QTMAN: variants seen among roughly 807,000 people sequenced by gnomAD.
The protein encoded by QTMAN is queuosine-tRNA mannosyltransferase, also known as tRNA-queuosine alpha-mannosyltransferase.
chr2:144,145,758 G>A, the QTMAN span: 10 of 1,599,346 alleles, frequency 6.3e-6, no homozygotes, highest in Non-Finnish European at 8.5e-6. Context: ...CAAGAAAATT[G>A]GGGTTTACTG....
the QTMAN span, among the ~76,000 whole-genome samples, chr2:144,026,161 C>A: frequency 1.3e-4 from 20 of 152,056 alleles, no homozygotes; most frequent in Non-Finnish European, 2.9e-4. Context: ...TGGTTGGGAG[C>A]GGTGGCTCAC....
the QTMAN span, among the ~76,000 whole-genome samples, chr2:144,266,965 TAG>T: frequency 5.3e-5 from 8 of 152,068 alleles, no homozygotes; most frequent in Non-Finnish European, 1.0e-4. Flanking sequence ...TCAAGGACAT[TAG>T]AGGTATTGGA....
chr2:144,145,662 A>C, the QTMAN span: 10 of 1,611,672 alleles, frequency 6.2e-6, no homozygotes, highest in Non-Finnish European at 7.6e-6. Flanking sequence ...AAAATACAGA[A>C]TCTTTTTCAG....
the QTMAN span, among the ~76,000 whole-genome samples, chr2:144,215,201 T>C: frequency 6.6e-6 from 1 of 151,824 alleles, no homozygotes; most frequent in Non-Finnish European, 1.5e-5. Flanking sequence ...ATGATTGTGC[T>C]ACTGTATTCC....
the QTMAN span, among the ~76,000 whole-genome samples, chr2:144,142,273 G>C: frequency 6.6e-6 from 1 of 152,030 alleles, no homozygotes; most frequent in African/African-American, 2.4e-5. Flanking sequence ...CATCAGATTT[G>C]AAAGGCAACA....
the QTMAN span, among the ~76,000 whole-genome samples, chr2:143,998,505 C>A: frequency 6.7e-6 from 1 of 148,960 alleles, no homozygotes; most frequent in East Asian, 2.0e-4. Flanking sequence ...TATGACTGAC[C>A]GAGTAAAAAA....
At chr2:144,197,743 T>A in the QTMAN span, among the ~76,000 whole-genome samples, 1 of 152,194 alleles carries the variant, frequency 6.6e-6, no homozygotes, top group Non-Finnish European at 1.5e-5. Context: ...ATTAATGTTC[T>A]CATTTAGAAT....
chr2:143,986,101 A>G, the QTMAN span, among the ~76,000 whole-genome samples: 1 of 152,160 alleles, frequency 6.6e-6, no homozygotes, highest in Non-Finnish European at 1.5e-5. Flanking sequence ...TCTTTACTTG[A>G]GTATCAATTA....
chr2:144,065,540 C>T, the QTMAN span, among the ~76,000 whole-genome samples: 2 of 152,176 alleles, frequency 1.3e-5, no homozygotes, highest in African/African-American at 4.8e-5. Context: ...ACTCAGTTGG[C>T]TCTCTTTAAG....
the QTMAN span, among the ~76,000 whole-genome samples, chr2:144,246,541 CCG>C: frequency 6.9e-6 from 1 of 145,856 alleles, no homozygotes; most frequent in African/African-American, 2.6e-5. Context: ...CCACTGCAGT[CCG>C]CAGTCCGGCC....
At chr2:144,054,042 G>A in the QTMAN span, among the ~76,000 whole-genome samples, 183 of 152,176 alleles carry the variant, frequency 1.2e-3, no homozygotes, top group African/African-American at 4.2e-3. Flanking sequence ...CAAAAAATTA[G>A]CCGGGCGGGG....
chr2:144,309,183 C>T, the QTMAN span, among the ~76,000 whole-genome samples: 3 of 152,166 alleles, frequency 2.0e-5, no homozygotes, highest in Admixed American at 6.6e-5. Flanking sequence ...GATACAATCA[C>T]TGAAGAAAAT....
chr2:144,022,557 TCTC>T, the QTMAN span, among the ~76,000 whole-genome samples: 7 of 140,936 alleles, frequency 5.0e-5, no homozygotes, highest in African/African-American at 8.2e-5. Context: ...TCTCTCTCTC[TCTC>T]TTTTTTTTTT....
the QTMAN span, among the ~76,000 whole-genome samples, chr2:144,105,539 A>G: frequency 7.9e-5 from 12 of 152,198 alleles, no homozygotes; most frequent in Non-Finnish European, 1.5e-5. Context: ...TGAAGAGAGA[A>G]GAGAAGTTCA....
the QTMAN span, chr2:143,943,290 A>G: frequency 6.6e-6 from 1 of 152,208 alleles, no homozygotes; most frequent in Non-Finnish European, 1.5e-5. Flanking sequence ...TCACAACTCA[A>G]ATTTTAAAAT....
the QTMAN span, among the ~76,000 whole-genome samples, chr2:144,133,135 A>T: frequency 6.3e-4 from 27 of 42,778 alleles, 3 homozygotes; most frequent in African/African-American, 2.5e-3. Flanking sequence ...ATATATATAT[A>T]TATATATATA....
chr2:144,257,650 C>T, the QTMAN span, among the ~76,000 whole-genome samples: 1 of 152,086 alleles, frequency 6.6e-6, no homozygotes, highest in African/African-American at 2.4e-5. Context: ...AATAGAAGTG[C>T]AAATTTATCA....
the QTMAN span, among the ~76,000 whole-genome samples, chr2:144,323,423 G>A: frequency 1.3e-5 from 2 of 152,150 alleles, no homozygotes; most frequent in Non-Finnish European, 2.9e-5. Context: ...CAGCTGTGAA[G>A]AATACCATGA....
the QTMAN span, among the ~76,000 whole-genome samples, chr2:144,049,234 T>C: frequency 6.6e-6 from 1 of 152,216 alleles, no homozygotes; most frequent in Admixed American, 6.5e-5. Flanking sequence ...ACCAAAAACA[T>C]GCTGCTGTTT....
Sources: allele counts gnomAD v4.1 joint callset (sites outside exome capture counted in the v4.1 genomes callset), GRCh38; gene constraint gnomAD v4.1.1; transcripts MANE v1.5; gene names NCBI Gene and HGNC (gene_info 2026-07-23, HGNC 2026-07-21).